PJA2: variants seen among roughly 807,000 people sequenced by gnomAD.
PJA2 encodes E3 ubiquitin-protein ligase Praja-2.
Under a neutral mutation model 69.3 loss-of-function variants are expected in PJA2, and 25 were observed. That is an observed-to-expected ratio of 0.36 (90% confidence interval 0.26 to 0.50). The LOEUF is 0.50. PJA2 is among the 20% of genes least tolerant of loss of function. The pLI, the probability that PJA2 is intolerant of heterozygous loss-of-function variation, is 0.96. For missense variants in PJA2, 809 were observed against 830.2 expected, an observed-to-expected ratio of 0.97 and a Z score of 0.31; for synonymous variants, 308 against 277.8, an observed-to-expected ratio of 1.11 and a Z score of -1.08.
chr5:109,401,515 A>G (rs1159226078), intron 1 of PJA2, among the ~76,000 whole-genome samples: 2 of 152,250 alleles, frequency 1.3e-5, no homozygotes, highest in African/African-American at 4.8e-5. Context: ...CATATTTGAT[A>G]CTGACAGCAG....
chr5:109,400,908 G>C lies in PJA2; in HGVS notation c.-88+8934C>G, dbSNP rs12173040. On this transcript the variant is annotated intron_variant, in intron 1 of 9. Coordinates refer to ENST00000361189, the MANE Select transcript of PJA2 (RefSeq NM_014819.5). ...TGAGGCAGGAGACTGGCATGAACCT[G>C]GGAGGCAGAGCTTGCAGTGAGCCGA... Among the ~76,000 whole-genome samples, 17 of 152,298 alleles carry C rather than the reference G, an allele frequency of 1.1e-4. No individual in the cohort carries two copies. In the East Asian group the frequency reaches 2.3e-3, roughly 21 times the overall value.
intron 7 of PJA2, among the ~76,000 whole-genome samples, chr5:109,345,499 G>C (rs1384324458): frequency 2.3e-5 from 3 of 131,572 alleles, no homozygotes; most frequent in Non-Finnish European, 4.7e-5. Flanking sequence ...GGGTGACAGA[G>C]CGAGACTCTG....
At chr5:109,341,918 T>G (rs1286593001) in intron 9 of PJA2, among the ~76,000 whole-genome samples, 6 of 77,472 alleles carry the variant, frequency 7.7e-5, no homozygotes, top group Admixed American at 2.5e-4. Flanking sequence ...GTCTGGGAGG[T>G]GAGGGGCGCC....
In PJA2 at chr5:109,362,969, A is replaced by G; in HGVS notation, c.1523T>C (p.Val508Ala). The change falls in exon 6 of 10, where the codon GTC (valine) becomes GCC (alanine). Residue 508 changes from valine (V) to alanine (A), a missense_variant. By Grantham distance (64) the Val-to-Ala change is moderately conservative. Around this residue, in one of 4 missense-constraint regions of PJA2, gnomAD observed 700 missense variants for 639.5 expected, o/e 1.09. Coordinates refer to ENST00000361189, the MANE Select transcript of PJA2 (RefSeq NM_014819.5). ...GEIPWLQYNE[V>A]NESSSDEGNE... Reference sequence around the variant, plus strand: ...TCCCTCATCACTGCTGCTTTCATTGACTTCATTGTACTGTAACCAAGGAAT... The same window carrying G: ...TCCCTCATCACTGCTGCTTTCATTGGCTTCATTGTACTGTAACCAAGGAAT... The G allele has an allele frequency of 2.5e-6, 4 of 1,612,406 alleles. No individual in the cohort carries two copies. Among genetic ancestry groups the G allele is most frequent in the Non-Finnish European group, 3.4e-6 (4 of 1,178,700 alleles).
rs530198715 is a variant in PJA2 at position 109,336,475 on chromosome 5, G to C, written c.*756C>G. ...AACCAAGGAGAAACAGGTTGGGTAA[G>C]AGGTTAGAAAGAGTTTCATAAGGCC... On this transcript the variant is annotated 3_prime_UTR_variant, in exon 10 of 10. Coordinates refer to ENST00000361189, the MANE Select transcript of PJA2 (RefSeq NM_014819.5). 2.6e-5 allele frequency: 4 copies of C among 152,206 alleles called. No homozygotes were observed. The East Asian group carries it at 7.7e-4, about 29-fold the overall frequency. The allele number at this position is 152,206 out of a possible 1,614,324, so 9.4% of individuals were successfully genotyped here.
intron 6 of PJA2, among the ~76,000 whole-genome samples, chr5:109,357,828 C>T (rs1209055822): frequency 6.6e-6 from 1 of 152,214 alleles, no homozygotes; most frequent in African/African-American, 2.4e-5. Flanking sequence ...ATTGTGTCTT[C>T]CTTCTCTTTG....
At chr5:109,393,117 T>C (rs568870051) in intron 1 of PJA2, among the ~76,000 whole-genome samples, 13 of 152,222 alleles carry the variant, frequency 8.5e-5, no homozygotes, top group Middle Eastern at 3.4e-3. Context: ...TGCTCACATA[T>C]AGGATATATA....
intron 9 of PJA2, among the ~76,000 whole-genome samples, chr5:109,343,899 C>T (rs1398994728): frequency 6.6e-6 from 1 of 151,820 alleles, no homozygotes; most frequent in African/African-American, 2.4e-5. Context: ...AGTTCGAGAC[C>T]AGCCTGACCA....
chr5:109,376,825 A>T (rs1380274353), intron 4 of PJA2, among the ~76,000 whole-genome samples: 3 of 152,044 alleles, frequency 2.0e-5, no homozygotes, highest in South Asian at 2.1e-4. Context: ...TACTTAACAA[A>T]CCCCAACATG....
chr5:109,392,872 G>T (rs1747314499), intron 1 of PJA2, among the ~76,000 whole-genome samples: 1 of 152,142 alleles, frequency 6.6e-6, no homozygotes, highest in South Asian at 2.1e-4. Flanking sequence ...AAGCAATGTA[G>T]ATCTAAATGT....
chr5:109,340,741 A>G (rs1270647577), intron 9 of PJA2, among the ~76,000 whole-genome samples: 1 of 90,322 alleles, frequency 1.1e-5, no homozygotes, highest in Non-Finnish European at 2.6e-5. Flanking sequence ...GGCTCACTGC[A>G]ACCTCCCTGC....
chr5:109,355,423 G>A (rs1247440364), intron 7 of PJA2, among the ~76,000 whole-genome samples: 1 of 152,134 alleles, frequency 6.6e-6, no homozygotes, highest in Non-Finnish European at 1.5e-5. Context: ...ATGAAAAGAA[G>A]GCAAGAGAAG....
At chr5:109,361,054 G>A (rs1384140089) in intron 6 of PJA2, among the ~76,000 whole-genome samples, 1 of 150,970 alleles carries the variant, frequency 6.6e-6, no homozygotes, top group African/African-American at 2.4e-5. Flanking sequence ...CTTGAACCCG[G>A]GAGGCAGAAG....
At chr5:109,406,044 T>G (rs1747683840) in intron 1 of PJA2, among the ~76,000 whole-genome samples, 1 of 133,938 alleles carries the variant, frequency 7.5e-6, no homozygotes, top group African/African-American at 2.9e-5. Flanking sequence ...AAACCCATTT[T>G]TTTTTTTTTT....
intron 1 of PJA2, among the ~76,000 whole-genome samples, chr5:109,393,482 G>A (rs1189405585): frequency 6.6e-6 from 1 of 152,016 alleles, no homozygotes; most frequent in Non-Finnish European, 1.5e-5. Context: ...TCTTACAAAT[G>A]CATACCAAGA....
At chr5:109,337,784 AATT>A (rs1761973854) in intron 9 of PJA2, among the ~76,000 whole-genome samples, 1 of 151,998 alleles carries the variant, frequency 6.6e-6, no homozygotes, top group Non-Finnish European at 1.5e-5. Context: ...GACCTACTTT[AATT>A]CACACCAAAT....
At position 109,336,820 on chromosome 5, in the gene PJA2, C is replaced by A. The variant is rs536943330; in HGVS notation, c.*411G>T. ...CATACTTTAGAATTTGTTTCATTTC[C>A]AATGAAACCAAATTTTACTACGGTT... On this transcript the variant is annotated 3_prime_UTR_variant, in exon 10 of 10. Coordinates refer to ENST00000361189, the MANE Select transcript of PJA2 (RefSeq NM_014819.5). 6.6e-6 allele frequency: 1 copy of A among 152,566 alleles called. No individual in the cohort carries two copies. Among genetic ancestry groups the A allele is most frequent in the Admixed American group, 6.5e-5 (1 of 15,296 alleles). 9.5% of individuals were successfully genotyped at this position (152,566 alleles called of 1,614,324 possible).
At chr5:109,375,018 T>G (rs1746830181) in intron 4 of PJA2, among the ~76,000 whole-genome samples, 1 of 152,192 alleles carries the variant, frequency 6.6e-6, no homozygotes, top group Admixed American at 6.5e-5. Flanking sequence ...AATAAGGTGG[T>G]GCTCAGTACC....
rs147280415 is a variant in PJA2, at chr5:109,383,670, G to A, written c.-87-150C>T. The A allele has an allele frequency of 2.9e-3, 1,212 of 418,182 alleles. 1 individual carries two copies. Among genetic ancestry groups the A allele is most frequent in the Middle Eastern group, 8.5e-3 (13 of 1,534 alleles). 25.9% of individuals were successfully genotyped at this position (418,182 alleles called of 1,614,324 possible). A position where few individuals can be genotyped will look rare whatever the true frequency, so the allele number is the denominator to read the frequency against. ...GCATGGTGGCAAATGCCTGTGATCCGCCTTAGATTACAGCACTTTGGCAGG... is the reference window on the plus strand; with the variant it reads ...GCATGGTGGCAAATGCCTGTGATCCACCTTAGATTACAGCACTTTGGCAGG... On this transcript the variant is annotated intron_variant, in intron 1 of 9. Transcript: ENST00000361189.
Sources: gnomAD v4.1 joint callset for allele counts (sites outside exome capture counted in the v4.1 genomes callset) on GRCh38, gnomAD v4.1.1 for gene constraint, gnomAD v4.1.1 regional missense constraint, MANE v1.5 for transcripts, NCBI Gene and HGNC (gene_info 2026-07-23, HGNC 2026-07-21) for gene names.